Variants in ANKMY1 observed in about 807,000 individuals in gnomAD.
The protein encoded by ANKMY1 is ankyrin repeat and MYND domain containing 1, also known as ankyrin repeat and MYND domain-containing protein 1.
ANKMY1 carries 98 observed loss-of-function variants against 102.0 expected under a neutral mutation model. The ratio of observed to expected loss-of-function variants is 0.96; its 90% CI spans 0.82 to 1.14. The LOEUF (loss-of-function observed/expected upper bound fraction) is 1.14. Ranked by LOEUF, ANKMY1 falls within the 50% of genes most tolerant of loss-of-function variation. ANKMY1 has a pLI of 0.00. For synonymous variants in ANKMY1, 582 were observed against 559.9 expected, an observed-to-expected ratio of 1.04 and a Z score of -0.56; for missense variants, 1,330 against 1,347.6, an observed-to-expected ratio of 0.99 and a Z score of 0.20.
chr2:240,507,622 G>C lies in ANKMY1; in HGVS notation c.2464C>G (p.Leu822Val). 6.2e-7 allele frequency: 1 copy of C among 1,612,034 alleles called. No individual in the cohort carries two copies. Among genetic ancestry groups the C allele is most frequent in the Non-Finnish European group, 8.5e-7 (1 of 1,179,000 alleles). Residue 822 changes from leucine to valine, a missense_variant, in exon 13 of 18, where the codon CTG (leucine) becomes GTG (valine). Leu to Val is a conservative substitution (Grantham distance 32). Transcript: ENST00000401804. ...LPLTKGLGSA[L>V]CVACDLTYEH... ...TAGGTCAGGTCACAGGCAACACACA[G>C]GGCACTGCCCAAGCCTTTGGTCAGG...
intron 17 of ANKMY1, among the ~76,000 whole-genome samples, chr2:240,480,444 A>G (rs2075244809): frequency 6.6e-6 from 1 of 152,236 alleles, no homozygotes; most frequent in African/African-American, 2.4e-5. Flanking sequence ...GCGGGAGACC[A>G]GAGTGTTTCT....
downstream of ANKMY1, among the ~76,000 whole-genome samples, chr2:240,478,313 CTTACAG>C (rs1195707674): frequency 1.3e-5 from 2 of 152,222 alleles, no homozygotes; most frequent in African/African-American, 4.8e-5. Context: ...ATAATTGTCA[CTTACAG>C]GTTCTTTCTT....
chr2:240,475,191 A>G (rs1416523267), downstream of ANKMY1, among the ~76,000 whole-genome samples: 1 of 152,150 alleles, frequency 6.6e-6, no homozygotes, highest in African/African-American at 2.4e-5. Flanking sequence ...AGCTTTTTTC[A>G]TATGCTTGTT....
At chr2:240,542,892 A>G (rs1204796401) in intron 4 of ANKMY1, among the ~76,000 whole-genome samples, 2 of 150,510 alleles carry the variant, frequency 1.3e-5, no homozygotes, top group African/African-American at 4.9e-5. Context: ...TAATTACTTA[A>G]GTAAATTATT....
chr2:240,545,837 C>A (rs1343089856), intron 4 of ANKMY1, among the ~76,000 whole-genome samples: 1 of 152,154 alleles, frequency 6.6e-6, no homozygotes, highest in East Asian at 1.9e-4. Context: ...ACGAGCAAAG[C>A]CTCCAAGAAA....
intron 5 of ANKMY1, among the ~76,000 whole-genome samples, chr2:240,528,583 G>GGTGGGGGCA (rs1559336160): frequency 6.6e-6 from 1 of 152,052 alleles, no homozygotes; most frequent in Non-Finnish European, 1.5e-5. Context: ...CTGATGCAAC[G>GGTGGGGGCA]GTGGGGGCAG....
chr2:240,532,402 A>T (rs1233195329), intron 4 of ANKMY1, among the ~76,000 whole-genome samples: 1 of 152,224 alleles, frequency 6.6e-6, no homozygotes, highest in African/African-American at 2.4e-5. Context: ...TACACATTCA[A>T]ATTCTAAGGG....
intron 4 of ANKMY1, among the ~76,000 whole-genome samples, chr2:240,539,194 C>T (rs1042398090): frequency 7.2e-5 from 11 of 152,204 alleles, no homozygotes; most frequent in East Asian, 1.9e-4. Context: ...TCTTTGGGTC[C>T]GCACTGCGTT....
intron 11 of ANKMY1, among the ~76,000 whole-genome samples, chr2:240,510,498 G>A (rs2079967608): frequency 6.6e-6 from 1 of 151,582 alleles, no homozygotes; most frequent in African/African-American, 2.4e-5. Context: ...TGACCTCTGC[G>A]ACTCCTCCTC....
Position 240,554,858 on chromosome 2 carries a change from G to C in ANKMY1, c.336+8C>G. The C allele has an allele frequency of 6.2e-7, 1 of 1,613,980 alleles. No individual in the cohort carries two copies. The highest frequency in any genetic ancestry group is 8.5e-7 in the Non-Finnish European group (1 of 1,179,876). ...GGGAGGAGGCGGAGAAAGTGTGGAA[G>C]CAGTTACCTCGCCTGTGGGCCAAGA... On this transcript the variant is annotated splice_region_variant and intron_variant, in intron 3 of 17. Transcript: ENST00000401804.
intron 4 of ANKMY1, among the ~76,000 whole-genome samples, chr2:240,549,359 T>G (rs1287876395): frequency 1.3e-5 from 2 of 151,070 alleles, no homozygotes; most frequent in Non-Finnish European, 3.0e-5. Context: ...TATACAAAAA[T>G]CAATTCAAGA....
intron 15 of ANKMY1, among the ~76,000 whole-genome samples, chr2:240,486,796 G>A (rs548146526): frequency 3.3e-5 from 5 of 152,264 alleles, no homozygotes; most frequent in Non-Finnish European, 5.9e-5. Context: ...TTACAGGCAT[G>A]AGAGCCACCA....
intron 4 of ANKMY1, among the ~76,000 whole-genome samples, chr2:240,552,247 C>T (rs1381164198): frequency 6.6e-6 from 1 of 152,162 alleles, no homozygotes. Context: ...AGAGCGAACC[C>T]CTGGTGTTTC....
chr2:240,549,002 T>G (rs2090990460), intron 4 of ANKMY1, among the ~76,000 whole-genome samples: 1 of 151,988 alleles, frequency 6.6e-6, no homozygotes, highest in Admixed American at 6.6e-5. Context: ...TTCACAAAAT[T>G]GGAAAAAACT....
intron 4 of ANKMY1, among the ~76,000 whole-genome samples, chr2:240,537,143 G>A (rs2086983343): frequency 6.6e-6 from 1 of 152,180 alleles, no homozygotes; most frequent in Non-Finnish European, 1.5e-5. Flanking sequence ...AAAGTGATGA[G>A]GCCCAGAGAG....
intron 4 of ANKMY1, among the ~76,000 whole-genome samples, chr2:240,531,378 C>A (rs1030772957): frequency 6.6e-6 from 1 of 152,238 alleles, no homozygotes; most frequent in Non-Finnish European, 1.5e-5. Flanking sequence ...CCAGCAACCC[C>A]ACTCTTGGGT....
At chr2:240,510,764 GC>G (rs1447039405) in intron 11 of ANKMY1, among the ~76,000 whole-genome samples, 1 of 148,300 alleles carries the variant, frequency 6.7e-6, no homozygotes, top group East Asian at 2.0e-4. Flanking sequence ...CACGCCTGCA[GC>G]ACTGAAGTTC....
At chr2:240,494,178 G>A (rs1196482315) in intron 15 of ANKMY1, among the ~76,000 whole-genome samples, 1 of 152,096 alleles carries the variant, frequency 6.6e-6, no homozygotes, top group Non-Finnish European at 1.5e-5. Context: ...GTTGTGAGTG[G>A]GCATGGAGTG....
chr2:240,495,214 G>A (rs923355616), intron 15 of ANKMY1, among the ~76,000 whole-genome samples: 2 of 152,124 alleles, frequency 1.3e-5, no homozygotes, highest in Non-Finnish European at 2.9e-5. Flanking sequence ...TCAGTGCCAA[G>A]GAAAAGTACC....
Sources: allele counts gnomAD v4.1 joint callset (sites outside exome capture counted in the v4.1 genomes callset), GRCh38; gene constraint gnomAD v4.1.1; transcripts MANE v1.5; gene names NCBI Gene and HGNC (gene_info 2026-07-23, HGNC 2026-07-21).